The following DMD variants were observed in gnomAD, a reference collection of about 807,000 sequenced individuals.
The protein encoded by DMD is mutant dystrophin.
In DMD, 63 loss-of-function variants were observed where a neutral mutation model predicts 330.1. That is an observed-to-expected ratio of 0.19 (90% CI 0.16 to 0.24). The LOEUF (loss-of-function observed/expected upper bound fraction) is 0.24. Among genes scored for constraint, DMD ranks in the 10% least tolerant of loss-of-function variants. The pLI is 1.00. For synonymous variants in DMD, 1,223 were observed against 959.8 expected (o/e 1.27, Z -5.07); for missense variants, 3,344 against 2,684.1 (o/e 1.25, Z -5.43).
At chrX:32,488,197 A>G (rs2042661008) in intron 20 of DMD, among the ~76,000 whole-genome samples, 1 of 112,295 alleles carries the variant, frequency 8.9e-6, no homozygotes, top group Admixed American at 9.5e-5. Flanking sequence ...CTGTGTTTAA[A>G]AAGATGTGAA....
At chrX:31,190,983 G>C (rs893723693) in intron 67 of DMD, among the ~76,000 whole-genome samples, 3 of 111,859 alleles carry the variant, frequency 2.7e-5, no homozygotes, top group Non-Finnish European at 5.6e-5. Flanking sequence ...TGAGGGTAGA[G>C]AGAGCAAAAG....
intron 19 of DMD, among the ~76,000 whole-genome samples, chrX:32,492,781 T>A (rs1397952261): frequency 2.7e-5 from 3 of 112,382 alleles, no homozygotes; most frequent in Middle Eastern, 9.3e-3. Context: ...CATGCATTTT[T>A]AAACATAGCT....
At chrX:32,988,916 G>T (rs996582937) in intron 2 of DMD, among the ~76,000 whole-genome samples, 15 of 110,987 alleles carry the variant, frequency 1.4e-4, no homozygotes, top group African/African-American at 4.9e-4. Context: ...ACAGGTCAAA[G>T]ATAATCTGTA....
intron 51 of DMD, among the ~76,000 whole-genome samples, chrX:31,770,114 C>A (rs1292075176): frequency 1.8e-5 from 2 of 112,343 alleles, no homozygotes; most frequent in African/African-American, 3.2e-5. Flanking sequence ...TGCTCAGATT[C>A]TTTTTCCTTT....
intron 42 of DMD, among the ~76,000 whole-genome samples, chrX:32,309,769 T>G (rs2097554743): frequency 9.0e-6 from 1 of 111,589 alleles, no homozygotes; most frequent in Admixed American, 9.5e-5. Flanking sequence ...TAACTAGGAA[T>G]AAACTGTTCT....
At chrX:32,664,575 G>A (rs2061184330) in intron 9 of DMD, among the ~76,000 whole-genome samples, 1 of 111,896 alleles carries the variant, frequency 8.9e-6, no homozygotes, top group East Asian at 2.8e-4. Flanking sequence ...ACAACATCAG[G>A]TGTGAGAAAG....
In DMD at chrX:31,120,935, T is replaced by C. The variant is rs962158780; in HGVS notation, c.*984A>G. ...TGATATAATAAGTCCTGTGTATTCATTCACATGTTCCCTTTAAAAAAATCC... is the reference window on the plus strand; with the variant it reads ...TGATATAATAAGTCCTGTGTATTCACTCACATGTTCCCTTTAAAAAAATCC... On this transcript the variant is annotated 3_prime_UTR_variant, in exon 79 of 79. Coordinates refer to ENST00000357033, the MANE Select transcript of DMD (RefSeq NM_004006.3). The C allele has an allele frequency of 1.3e-4, 15 of 111,338 alleles. No individual in the cohort carries two copies. The highest frequency in any genetic ancestry group is 4.3e-4 in the African/African-American group (13 of 30,279). The allele number at this position is 111,338 out of a possible 1,213,427, so 9.2% of individuals were successfully genotyped here.
At chrX:32,838,681 A>C (rs765995407) in intron 4 of DMD, among the ~76,000 whole-genome samples, 1 of 112,320 alleles carries the variant, frequency 8.9e-6, no homozygotes, top group South Asian at 3.7e-4. Flanking sequence ...ATACGAAAAA[A>C]TGCTTATCAC....
chrX:31,169,736 T>TA lies in DMD; in HGVS notation c.10395-136dup, dbSNP rs767505779. 1.0e-3 allele frequency: 592 copies of TA among 582,380 alleles called. No individual in the cohort carries two copies. The Middle Eastern group carries it at 0.01, about 10-fold the overall frequency. The allele number at this position is 582,380 out of a possible 1,213,427, so 48.0% of individuals were successfully genotyped here. A position where few individuals can be genotyped will look rare whatever the true frequency, so the allele number is the denominator to read the frequency against. On this transcript the variant is annotated intron_variant, in intron 73 of 78. Coordinates refer to ENST00000357033, the MANE Select transcript of DMD (RefSeq NM_004006.3). ...TTAATTAGACCTTTTTTCCTGCTTCTAAAGACCTTTTGATACTGCTGAGGT... is the reference window on the plus strand; with the variant it reads ...TTAATTAGACCTTTTTTCCTGCTTCTAAAAGACCTTTTGATACTGCTGAGGT...
chrX:32,751,899 A>G (rs748876370), intron 7 of DMD, among the ~76,000 whole-genome samples: 53 of 113,039 alleles, frequency 4.7e-4, no homozygotes, highest in Non-Finnish European at 9.2e-4. Context: ...CGGAAGCCCA[A>G]GCCTTGGCAG....
chrX:32,454,827 A>G lies in DMD; in HGVS notation c.3438T>C (p.Tyr1146=), dbSNP rs1323562217. 17 of 1,206,955 alleles carry G rather than the reference A, an allele frequency of 1.4e-5. No homozygotes were observed. Among genetic ancestry groups the G allele is most frequent in the Non-Finnish European group, 1.9e-5 (17 of 892,854 alleles). Residue 1146 remains tyrosine (Y), a synonymous_variant, in exon 26 of 79, where the codon TAT becomes TAC. Transcript: ENST00000357033. ...CTCCCTTCAAGGCCTCCTTTCTGGC[A>G]TAGACCTTCCACAAAACAAACAAAC... ...TQWDHMCQQV[Y]ARKEALKGGL... is the part of the protein sequence containing the mutation.
chrX:32,952,082 G>A (rs1393424283), intron 2 of DMD, among the ~76,000 whole-genome samples: 1 of 110,427 alleles, frequency 9.1e-6, no homozygotes, highest in African/African-American at 3.3e-5. Flanking sequence ...AATGAAAAAG[G>A]GCTATTTCTC....
intron 17 of DMD, among the ~76,000 whole-genome samples, chrX:32,539,912 A>G (rs1311497203): frequency 8.9e-6 from 1 of 111,847 alleles, no homozygotes; most frequent in East Asian, 2.8e-4. Flanking sequence ...CCTGGAGGGA[A>G]AAAACAGACC....
chrX:32,575,075 T>A (rs1327882817), intron 13 of DMD, among the ~76,000 whole-genome samples: 1 of 110,464 alleles, frequency 9.1e-6, no homozygotes, highest in Non-Finnish European at 1.9e-5. Context: ...TTTTTGTATT[T>A]TTAGTAGACA....
At position 32,683,914 on chromosome X, in the gene DMD, C is replaced by T. The variant is rs183329550; in HGVS notation, c.960+13956G>A. 4.8e-3 allele frequency among the ~76,000 whole-genome samples: 523 copies of T among 108,683 alleles called. 8 individuals carry two copies. Among genetic ancestry groups the T allele is most frequent in the African/African-American group, 0.016 (468 of 29,811 alleles). 94.4% of individuals were successfully genotyped at this position (108,683 alleles called of 115,157 possible). On this transcript the variant is annotated intron_variant, in intron 9 of 78. Coordinates refer to ENST00000357033, the MANE Select transcript of DMD (RefSeq NM_004006.3). Reference sequence around the variant, plus strand: ...TGACTTATTTGTTTAAAAATTAAGACGGTAAAAATAGTAAGTTGTTAAATT... The same window carrying T: ...TGACTTATTTGTTTAAAAATTAAGATGGTAAAAATAGTAAGTTGTTAAATT...
intron 7 of DMD, among the ~76,000 whole-genome samples, chrX:32,768,370 A>G (rs1010313829): frequency 1.8e-5 from 2 of 111,720 alleles, no homozygotes; most frequent in African/African-American, 6.5e-5. Flanking sequence ...ATACCGTTAG[A>G]TATTTCTGAT....
rs182860783 is a variant in DMD, at chrX:31,984,020, C to T, written c.6439-15506G>A. ...TACTTAGATATTAAAGAGATATATG[C>T]GAGACATGAAAAGTAGAAAGTACAA... On this transcript the variant is annotated intron_variant, in intron 44 of 78. Coordinates refer to ENST00000357033, the MANE Select transcript of DMD (RefSeq NM_004006.3). Among the ~76,000 whole-genome samples, 737 of 110,928 alleles carry T rather than the reference C, an allele frequency of 6.6e-3. 5 individuals carry two copies. Among genetic ancestry groups the T allele is most frequent in the Middle Eastern group, 0.014 (3 of 218 alleles).
chrX:32,788,269 G>A (rs2075560380), intron 7 of DMD, among the ~76,000 whole-genome samples: 1 of 111,490 alleles, frequency 9.0e-6, no homozygotes, highest in Non-Finnish European at 1.9e-5. Flanking sequence ...TGGGGAGTGG[G>A]GCAGAGAGGC....
At chrX:31,649,891 T>C (rs184306991) in intron 54 of DMD, among the ~76,000 whole-genome samples, 70 of 111,111 alleles carry the variant, frequency 6.3e-4, no homozygotes, top group African/African-American at 2.2e-3. Flanking sequence ...ATAAGAGGAA[T>C]TTAAAATAGG....
Sources: allele counts gnomAD v4.1 joint callset (sites outside exome capture counted in the v4.1 genomes callset), GRCh38; gene constraint gnomAD v4.1.1; transcripts MANE v1.5; gene names NCBI Gene and HGNC (gene_info 2026-07-23, HGNC 2026-07-21).